The following NELFA variants were observed in gnomAD, a reference collection of about 807,000 sequenced individuals.
The protein encoded by NELFA is negative elongation factor A.
A neutral mutation model predicts 51.8 loss-of-function variants in NELFA; 35 were observed. The observed-to-expected ratio is 0.68, with a 90% CI of 0.52 to 0.90. The LOEUF (loss-of-function observed/expected upper bound fraction) is 0.90, where lower values mean the gene tolerates loss of function less well. Among genes scored for constraint, NELFA ranks in the 40% least tolerant of loss-of-function variants. The probability of loss-of-function intolerance (pLI) is 0.00; values close to 1 mark genes in which losing one functional copy is unlikely to be tolerated. For missense variants in NELFA, 658 were observed against 746.4 expected (o/e 0.88, Z 1.38); for synonymous variants, 417 against 338.4 (o/e 1.23, Z -2.55).
chr4:1,985,570 C>T lies in NELFA; in HGVS notation c.924+206G>A, dbSNP rs560035969. ...CCTCCAGCAAGCGTGGGGCAGGTTC[C>T]CGCTCCAAGCCTGAGTCAGATGCCC... On this transcript the variant is annotated intron_variant, in intron 7 of 10. Coordinates refer to ENST00000382882, the MANE Select transcript of NELFA (RefSeq NM_005663.5). Among the ~76,000 whole-genome samples the T allele has an allele frequency of 2.4e-3, 365 of 152,348 alleles. 9 individuals carry two copies. Among genetic ancestry groups the T allele is most frequent in the South Asian group, 6.0e-3 (29 of 4,832 alleles).
intron 9 of NELFA, 48 bp from the exon 10 acceptor site, chr4:1,983,743 C>T: frequency 6.2e-7 from 1 of 1,607,750 alleles, no homozygotes; most frequent in Non-Finnish European, 8.5e-7. Flanking sequence ...CCAGGACCAC[C>T]TCCTGCATCC....
intron 7 of NELFA, 95 bp from the exon 8 acceptor site, chr4:1,985,014 G>T: frequency 1.1e-6 from 1 of 883,738 alleles, no homozygotes; most frequent in Non-Finnish European, 1.7e-6. Context: ...GCCACAGGCT[G>T]TGGCCCCCCG....
intron 3 of NELFA, among the ~76,000 whole-genome samples, chr4:1,988,252 G>C (rs532782960): frequency 3.9e-4 from 59 of 152,360 alleles, no homozygotes; most frequent in African/African-American, 1.1e-3. Context: ...AGGACCCCAT[G>C]GCAGGGGGGA....
chr4:2,008,797 T>G lies in NELFA; in HGVS notation c.163A>C (p.Lys55Gln). 1 of 1,612,754 alleles carries G rather than the reference T, an allele frequency of 6.2e-7. No homozygotes were observed. The change falls in exon 1 of 11, where the codon AAG becomes CAG. Residue 55 changes from lysine to glutamine, a missense_variant. This residue lies in a region of NELFA where 371 missense variants were observed against 448.3 expected (regional missense o/e 0.83). Transcript: ENST00000382882. ...FHGLSSAVKL[K>Q]LLLGTLHLPR... ...AGGTGCAGCGTCCCGAGTAGCAACT[T>G]GAGCTTCACTGCCGACGAGAGGCCA...
In NELFA at chr4:1,983,505, T is replaced by C; in HGVS notation, c.1403-2A>G. The C allele has an allele frequency of 6.2e-7, 1 of 1,613,856 alleles. No individual in the cohort carries two copies. Among genetic ancestry groups the C allele is most frequent in the Non-Finnish European group, 8.5e-7 (1 of 1,179,910 alleles). On this transcript the variant is annotated splice_acceptor_variant, in intron 10 of 10. Coordinates refer to ENST00000382882, the MANE Select transcript of NELFA (RefSeq NM_005663.5). LOFTEE classifies it high-confidence loss of function. Reference sequence around the variant, plus strand: ...CCCCCTGCTCCTGGCACGGGTTCTCTGCAGAGAGCAGGAGCTGCTGGGTGG... The same window carrying C: ...CCCCCTGCTCCTGGCACGGGTTCTCCGCAGAGAGCAGGAGCTGCTGGGTGG...
chr4:1,999,871 G>A (rs1383202089), intron 1 of NELFA, among the ~76,000 whole-genome samples: 2 of 152,050 alleles, frequency 1.3e-5, no homozygotes, highest in Admixed American at 6.6e-5. Flanking sequence ...CTCTAAAATC[G>A]ACCATGTAAT....
rs745697112 is a variant in NELFA at position 1,991,556 on chromosome 4, G to C, written c.370C>G (p.Leu124Val). 6.2e-7 allele frequency: 1 copy of C among 1,613,940 alleles called. No homozygotes were observed. Among genetic ancestry groups the C allele is most frequent in the South Asian group, 1.1e-5 (1 of 91,078 alleles). ...CAGCACAACATACCCTTTTCTCTAA[G>C]TTCTCCCAAAATATCCTGAACGTTG... ...NPNVQDILGE[L>V]REKVGECEAS... is the part of the protein sequence containing the mutation. The change falls in exon 2 of 11, where the codon CTT becomes GTT. Residue 124 changes from leucine to valine, a missense_variant. Around this residue, in one of 3 missense-constraint regions of NELFA, gnomAD observed 371 missense variants for 448.3 expected, o/e 0.83. Coordinates refer to ENST00000382882, the MANE Select transcript of NELFA (RefSeq NM_005663.5).
At position 2,005,193 on chromosome 4, in the gene NELFA, G is replaced by A. The variant is rs891173834; in HGVS notation, c.210+3557C>T. Among the ~76,000 whole-genome samples the A allele has an allele frequency of 4.0e-5, 6 of 151,874 alleles. No individual in the cohort carries two copies. The East Asian group carries it at 9.6e-4, about 24-fold the overall frequency. ...AGAGAATTTCCTTAACTAGATAAAG[G>A]GTATTTATTAAAGACAACAGGAAAC... On this transcript the variant is annotated intron_variant, in intron 1 of 10. Transcript: ENST00000382882.
intron 8 of NELFA, among the ~76,000 whole-genome samples, 193 bp from the exon 9 acceptor site, chr4:1,984,306 C>G (rs754628229): frequency 4.6e-5 from 7 of 152,218 alleles, no homozygotes; most frequent in Non-Finnish European, 1.0e-4. Flanking sequence ...GGTCTCAGGC[C>G]TTTCCAGACT....
At chr4:1,986,615 C>G (rs1728108409) in intron 4 of NELFA, 4 of 649,990 alleles carry the variant, frequency 6.2e-6, no homozygotes, top group Non-Finnish European at 1.0e-5. Flanking sequence ...AGACACCAAA[C>G]AAAGACAGCG....
chr4:1,997,951 C>T (rs777071289), intron 1 of NELFA, among the ~76,000 whole-genome samples: 1 of 152,176 alleles, frequency 6.6e-6, no homozygotes, highest in East Asian at 1.9e-4. Flanking sequence ...TGCTGTTCTG[C>T]AGCCTCCTTT....
intron 1 of NELFA, 23 bp from the exon 2 acceptor site, chr4:1,991,738 C>T (rs752202195): frequency 4.5e-6 from 7 of 1,566,110 alleles, no homozygotes; most frequent in African/African-American, 2.7e-5. Context: ...ATGCTGCCGG[C>T]GCCACCATGC....
At chr4:1,988,284 G>A (rs865909605) in intron 3 of NELFA, among the ~76,000 whole-genome samples, 4 of 152,350 alleles carry the variant, frequency 2.6e-5, no homozygotes, top group African/African-American at 7.2e-5. Flanking sequence ...AGGAGCTGAG[G>A]GACCTCATGA....
At chr4:2,001,867 C>G (rs554438411) in intron 1 of NELFA, among the ~76,000 whole-genome samples, 66 of 150,586 alleles carry the variant, frequency 4.4e-4, no homozygotes, top group African/African-American at 1.6e-3. Context: ...CGTGCCACTG[C>G]ACTCCAGCCT....
At chr4:1,999,204 A>G (rs998190444) in intron 1 of NELFA, among the ~76,000 whole-genome samples, 1 of 151,436 alleles carries the variant, frequency 6.6e-6, no homozygotes, top group African/African-American at 2.4e-5. Flanking sequence ...ACACCAAAAT[A>G]TAGAGACCAA....
At chr4:1,993,570 C>T (rs1437127262) in intron 1 of NELFA, among the ~76,000 whole-genome samples, 1 of 141,966 alleles carries the variant, frequency 7.0e-6, no homozygotes, top group African/African-American at 2.6e-5. Flanking sequence ...AAGAGCGAAA[C>T]TCCATCTCAA....
At chr4:1,985,706 A>C in intron 7 of NELFA, 70 bp downstream of exon 7, 1,067 of 1,014,984 alleles carry the variant, frequency 1.1e-3, no homozygotes, top group Non-Finnish European at 1.5e-3. Context: ...AGAGCACACT[A>C]GTGGCCACAA....
chr4:1,985,901 C>A (rs372482791), intron 6 of NELFA, 37 bp from the exon 7 acceptor site: 6 of 1,554,904 alleles, frequency 3.9e-6, no homozygotes, highest in Non-Finnish European at 5.3e-6. Flanking sequence ...AGTGCCCGGG[C>A]GCGTCTGCAG....
chr4:2,002,152 A>G (rs1454350238), intron 1 of NELFA, among the ~76,000 whole-genome samples: 1 of 152,100 alleles, frequency 6.6e-6, no homozygotes, highest in Non-Finnish European at 1.5e-5. Flanking sequence ...ATGAGCCAAG[A>G]TCGCGCCACT....
Sources: gnomAD v4.1 joint callset for allele counts (sites outside exome capture counted in the v4.1 genomes callset) on GRCh38, gnomAD v4.1.1 for gene constraint, gnomAD v4.1.1 regional missense constraint, MANE v1.5 for transcripts, NCBI Gene and HGNC (gene_info 2026-07-23, HGNC 2026-07-21) for gene names.